The following NREP variants were observed in gnomAD, a reference collection of about 807,000 sequenced individuals.
NREP encodes neuronal regeneration-related protein.
NREP carries 5 observed loss-of-function variants against 8.6 expected under a neutral mutation model. The ratio of observed to expected loss-of-function variants is 0.58; its 90% CI spans 0.30 to 1.22. The LOEUF is 1.22. Ranked by LOEUF, NREP falls within the 50% of genes most tolerant of loss-of-function variation. The probability of loss-of-function intolerance (pLI) is 0.07; values close to 1 mark genes in which losing one functional copy is unlikely to be tolerated. For missense variants in NREP, 86 were observed against 82.5 expected, an observed-to-expected ratio of 1.04 and a Z score of -0.17; for synonymous variants, 27 against 28.0, an observed-to-expected ratio of 0.96 and a Z score of 0.11.
At chr5:111,803,105 G>C (rs1461943203) in intron 2 of NREP, among the ~76,000 whole-genome samples, 1 of 152,148 alleles carries the variant, frequency 6.6e-6, no homozygotes, top group Non-Finnish European at 1.5e-5. Context: ...TGTTGGAGCA[G>C]GTCAGTGGAA....
chr5:111,866,235 T>C lies in NREP; in HGVS notation c.135+109039A>G, dbSNP rs1038620115. ...AGGCAACCTATAGAATGGGAGAAAA[T>C]TTTTGCAACCTACTCATCTGACAAA... On this transcript the variant is annotated intron_variant, in intron 2 of 3. Transcript: ENST00000395634. Among the ~76,000 whole-genome samples the C allele has an allele frequency of 2.0e-5, 3 of 151,660 alleles. No homozygotes were observed. In the South Asian group the frequency reaches 6.3e-4, roughly 32 times the overall value.
chr5:111,748,856 G>A (rs537271932), intron 2 of NREP, among the ~76,000 whole-genome samples: 3 of 152,102 alleles, frequency 2.0e-5, no homozygotes, highest in African/African-American at 2.4e-5. Flanking sequence ...ATACAACCTC[G>A]GAGGGTAGAA....
chr5:111,823,619 GA>G (rs1188015767), intron 2 of NREP, among the ~76,000 whole-genome samples: 12 of 152,164 alleles, frequency 7.9e-5, no homozygotes, highest in African/African-American at 2.6e-4. Context: ...TATTAACTAG[GA>G]TTGTCTATAA....
chr5:111,852,446 A>G (rs1313393139), intron 2 of NREP, among the ~76,000 whole-genome samples: 2 of 152,152 alleles, frequency 1.3e-5, no homozygotes, highest in Non-Finnish European at 1.5e-5. Context: ...GAACATTTGC[A>G]GCATCTTAGA....
intron 2 of NREP, among the ~76,000 whole-genome samples, chr5:111,741,888 T>C (rs987834438): frequency 6.6e-6 from 1 of 150,446 alleles, no homozygotes; most frequent in Non-Finnish European, 1.5e-5. Context: ...TAACAATGGG[T>C]AATTACAGAG....
intron 2 of NREP, among the ~76,000 whole-genome samples, chr5:111,821,115 C>G (rs1752504717): frequency 2.0e-5 from 3 of 152,144 alleles, no homozygotes; most frequent in Non-Finnish European, 4.4e-5. Flanking sequence ...TAGATGTTAG[C>G]CTTAGACCCA....
chr5:111,975,231 A>G, intron 2 of NREP: 1 of 1,418,234 alleles, frequency 7.1e-7, no homozygotes, highest in Admixed American at 2.0e-5. Context: ...AACTTGAACT[A>G]GCTTAACAAA....
chr5:111,944,303 C>G (rs889881684), intron 2 of NREP, among the ~76,000 whole-genome samples: 1 of 151,812 alleles, frequency 6.6e-6, no homozygotes, highest in African/African-American at 2.4e-5. Context: ...CCTCTTTGTT[C>G]TTCCTCCATT....
At chr5:111,788,811 G>A (rs11744617) in intron 2 of NREP, among the ~76,000 whole-genome samples, 150,841 of 152,352 alleles carry the variant, frequency 0.99, 74,694 homozygotes, top group East Asian at 1. Context: ...TATGAGATTA[G>A]CATTTAAATC....
chr5:111,906,832 T>C (rs1172434681), intron 2 of NREP, among the ~76,000 whole-genome samples: 2 of 152,134 alleles, frequency 1.3e-5, no homozygotes, highest in Non-Finnish European at 2.9e-5. Context: ...AGTGTCCATA[T>C]CTCTTGTCCA....
chr5:111,972,004 G>A (rs1756834233), intron 2 of NREP, among the ~76,000 whole-genome samples: 1 of 151,966 alleles, frequency 6.6e-6, no homozygotes. Context: ...TTGATAAGGG[G>A]TTAAATATAA....
intron 1 of NREP, chr5:111,756,228 C>T: frequency 1.0e-6 from 1 of 1,000,590 alleles, no homozygotes; most frequent in Non-Finnish European, 1.2e-6. Context: ...CAGCCTTCCA[C>T]CGTGTAGTGT....
chr5:111,731,361 G>GTATC (rs1748545313), intron 3 of NREP, among the ~76,000 whole-genome samples: 1 of 148,308 alleles, frequency 6.7e-6, no homozygotes, highest in Non-Finnish European at 1.5e-5. Flanking sequence ...ACAGTTTCTA[G>GTATC]TATCAGATAG....
chr5:111,872,794 T>G (rs1048274274), intron 2 of NREP, among the ~76,000 whole-genome samples: 1 of 152,218 alleles, frequency 6.6e-6, no homozygotes, highest in Non-Finnish European at 1.5e-5. Flanking sequence ...TTGCTTTCAC[T>G]TGTATCTTGA....
chr5:111,973,006 T>G (rs929405525), intron 2 of NREP, among the ~76,000 whole-genome samples: 18 of 152,148 alleles, frequency 1.2e-4, no homozygotes, highest in Non-Finnish European at 2.2e-4. Context: ...AAGGGTTGTG[T>G]GTAGCTGCAC....
At chr5:111,966,097 T>C (rs1165252504) in intron 2 of NREP, among the ~76,000 whole-genome samples, 2 of 152,112 alleles carry the variant, frequency 1.3e-5, no homozygotes, top group African/African-American at 2.4e-5. Context: ...TGTCCCTGAA[T>C]AGGGCAAGAA....
chr5:111,792,582 G>C (rs561116061), intron 2 of NREP, among the ~76,000 whole-genome samples: 26 of 152,290 alleles, frequency 1.7e-4, no homozygotes, highest in African/African-American at 6.3e-4. Flanking sequence ...TGCAAAAAGA[G>C]TGAAGCAGTT....
intron 2 of NREP, among the ~76,000 whole-genome samples, chr5:111,849,914 G>A (rs1023005331): frequency 3.3e-5 from 5 of 152,142 alleles, no homozygotes; most frequent in Non-Finnish European, 7.4e-5. Flanking sequence ...TAGACTATGA[G>A]ATGGAAGCCC....
Position 111,881,532 on chromosome 5 carries a change from T to C in NREP, c.135+93742A>G, listed in dbSNP as rs560547388. Among the ~76,000 whole-genome samples the C allele has an allele frequency of 3.3e-5, 5 of 152,256 alleles. No individual in the cohort carries two copies. The South Asian group carries it at 1.0e-3, about 32-fold the overall frequency. On this transcript the variant is annotated intron_variant, in intron 2 of 3. Coordinates refer to the NREP transcript ENST00000395634. The stretch of plus-strand genomic sequence containing the variant: ...AGAATGGGCAGACTGCCTCCTCAAG[T>C]GGGTCCCTGACCCCTGACCCCCAAG...
Sources: gnomAD v4.1 joint callset for allele counts (sites outside exome capture counted in the v4.1 genomes callset) on GRCh38, gnomAD v4.1.1 for gene constraint, MANE v1.5 for transcripts, NCBI Gene and HGNC (gene_info 2026-07-23, HGNC 2026-07-21) for gene names.